CDH17: variants seen among roughly 807,000 people sequenced by gnomAD.
The protein encoded by CDH17 is cadherin-17.
In CDH17, 67 loss-of-function variants were observed where a neutral mutation model predicts 86.3. The observed-to-expected ratio is 0.78, with a 90% CI of 0.64 to 0.95. CDH17 has a LOEUF of 0.95. Ranked by LOEUF, CDH17 falls within the 40% of genes least tolerant of loss-of-function variation. The pLI, the probability that CDH17 is intolerant of heterozygous loss-of-function variation, is 0.00. For synonymous variants in CDH17, 367 were observed against 366.4 expected (o/e 1.00, Z -0.02); for missense variants, 993 against 1,017.6 (o/e 0.98, Z 0.33).
At chr8:94,204,756 G>T (rs1379801460) in intron 1 of CDH17, among the ~76,000 whole-genome samples, 1 of 152,096 alleles carries the variant, frequency 6.6e-6, no homozygotes, top group Non-Finnish European at 1.5e-5. Context: ...TTCCTGGTTG[G>T]CGTTTGTTCC....
intron 1 of CDH17, 121 bp from the exon 2 acceptor site, chr8:94,194,826 G>A: frequency 1.6e-6 from 1 of 624,750 alleles, no homozygotes; most frequent in Non-Finnish European, 2.8e-6. Context: ...TATCCCAAAA[G>A]GCCAGCCTCT....
chr8:94,206,315 C>T (rs1814025535), intron 1 of CDH17, among the ~76,000 whole-genome samples: 1 of 152,132 alleles, frequency 6.6e-6, no homozygotes, highest in African/African-American at 2.4e-5. Flanking sequence ...ATAGGTATTC[C>T]CTTAAAATTC....
At chr8:94,203,246 A>T (rs1196083722) in intron 1 of CDH17, among the ~76,000 whole-genome samples, 1 of 152,230 alleles carries the variant, frequency 6.6e-6, no homozygotes, top group Non-Finnish European at 1.5e-5. Context: ...TTTATTTTTT[A>T]AAAAGCATGA....
intron 5 of CDH17, among the ~76,000 whole-genome samples, chr8:94,174,465 G>T (rs1303688073): frequency 1.3e-5 from 2 of 151,984 alleles, no homozygotes; most frequent in African/African-American, 4.8e-5. Flanking sequence ...AACCTCTAAG[G>T]GTCCCTGAAA....
chr8:94,128,309 T>G lies in CDH17; in HGVS notation c.2430A>C (p.Ile810=). ...CATTATCTTTGCCTTTATCCTTCTT[T>G]ATGCGGATAAACACAACTGCTAAAA... The part of the protein sequence containing the change: ...GIILAVVFIR[I]KKDKGKDNVE... The change falls in exon 18 of 18, where the codon ATA becomes ATC. Residue 810 remains isoleucine, a synonymous_variant. Transcript: ENST00000027335. The G allele has an allele frequency of 6.2e-7, 1 of 1,612,740 alleles. No individual in the cohort carries two copies. The highest frequency in any genetic ancestry group is 8.5e-7 in the Non-Finnish European group (1 of 1,179,018).
chr8:94,171,360 G>A (rs1342456873), intron 7 of CDH17, among the ~76,000 whole-genome samples: 7 of 152,104 alleles, frequency 4.6e-5, no homozygotes, highest in Admixed American at 4.6e-4. Context: ...CACAATGTAT[G>A]GTGAGCATCT....
In CDH17 at chr8:94,128,222, A is replaced by T. The variant is rs755074042; in HGVS notation, c.*18T>A. On this transcript the variant is annotated 3_prime_UTR_variant, in exon 18 of 18. Coordinates refer to ENST00000027335, the MANE Select transcript of CDH17 (RefSeq NM_004063.4). ...GAAATAGCACTTGCTATATAAATTC[A>T]AACATTCCTTTTCAAATTCAGCTTC... The T allele has an allele frequency of 6.5e-7, 1 of 1,536,260 alleles. No individual in the cohort carries two copies. Among genetic ancestry groups the T allele is most frequent in the South Asian group, 1.1e-5 (1 of 88,840 alleles).
chr8:94,182,622 A>G (rs1813504873), intron 3 of CDH17, among the ~76,000 whole-genome samples: 2 of 152,114 alleles, frequency 1.3e-5, no homozygotes, highest in African/African-American at 2.4e-5. Flanking sequence ...TCTCAGCCTA[A>G]TAAGGACACC....
chr8:94,178,552 T>C (rs1813417681), intron 3 of CDH17, among the ~76,000 whole-genome samples: 1 of 152,006 alleles, frequency 6.6e-6, no homozygotes, highest in Admixed American at 6.6e-5. Context: ...ACCAGTAAGA[T>C]TGAAAACTCC....
intron 15 of CDH17, 124 bp from the exon 16 acceptor site, chr8:94,131,116 A>G (rs146033050): frequency 0.01 from 6,657 of 649,662 alleles, 51 homozygotes; most frequent in Non-Finnish European, 0.015. Context: ...TAAACTGCCC[A>G]AAGTATCATC....
At chr8:94,171,593 T>C (rs1030308411) in intron 7 of CDH17, among the ~76,000 whole-genome samples, 1 of 152,200 alleles carries the variant, frequency 6.6e-6, no homozygotes, top group Middle Eastern at 3.2e-3. Context: ...ACTTGCTATA[T>C]AGACAGAGCC....
chr8:94,133,735 CG>C (rs1255691675), intron 15 of CDH17, among the ~76,000 whole-genome samples: 9 of 152,206 alleles, frequency 5.9e-5, no homozygotes, highest in Non-Finnish European at 1.2e-4. Flanking sequence ...TGTCTTCTGC[CG>C]GTTTTCAAAG....
At position 94,177,721 on chromosome 8, in the gene CDH17, A is replaced by C. The variant is rs774397787; in HGVS notation, c.151T>G (p.Phe51Val). ...GTCACAGCAGGAGGATTGGCCTTAA[A>C]CTGGGGAAAAAGCAAAAAACAGATT... The part of the protein sequence containing the change: ...GQEPSQIIFQ[F>V]KANPPAVTFE... Residue 51 changes from phenylalanine to valine, a missense_variant and splice_region_variant, in exon 4 of 18, where the codon TTT (phenylalanine) becomes GTT (valine). Transcript: ENST00000027335. 3 of 1,613,384 alleles carry C rather than the reference A, an allele frequency of 1.9e-6. No homozygotes were observed. The highest frequency in any genetic ancestry group is 2.5e-6 in the Non-Finnish European group (3 of 1,179,642).
chr8:94,194,847 G>C (rs549015403), intron 1 of CDH17, 142 bp from the exon 2 acceptor site: 125 of 591,912 alleles, frequency 2.1e-4, no homozygotes, highest in Non-Finnish European at 3.5e-4. Context: ...CCTCTATATG[G>C]AGCAGCCCAG....
upstream of CDH17, among the ~76,000 whole-genome samples, chr8:94,211,394 C>A (rs1814119314): frequency 6.6e-6 from 1 of 152,168 alleles, no homozygotes; most frequent in Non-Finnish European, 1.5e-5. Context: ...TCACTGCAAC[C>A]TCCGCCTCCC....
intron 1 of CDH17, among the ~76,000 whole-genome samples, chr8:94,200,772 C>T (rs914211082): frequency 2.0e-5 from 3 of 151,650 alleles, no homozygotes; most frequent in Non-Finnish European, 4.4e-5. Context: ...GGAATCCCGC[C>T]GCGGCCTGGA....
At chr8:94,177,965 T>C (rs1282360428) in intron 3 of CDH17, among the ~76,000 whole-genome samples, 1 of 152,226 alleles carries the variant, frequency 6.6e-6, no homozygotes, top group Non-Finnish European at 1.5e-5. Flanking sequence ...ATTGATGCTT[T>C]AAATTATAGC....
At chr8:94,133,729 T>C (rs1812465389) in intron 15 of CDH17, among the ~76,000 whole-genome samples, 1 of 152,256 alleles carries the variant, frequency 6.6e-6, no homozygotes, top group Non-Finnish European at 1.5e-5. Flanking sequence ...CATCCTTGTC[T>C]TCTGCCGGTT....
intron 9 of CDH17, among the ~76,000 whole-genome samples, chr8:94,166,387 A>T (rs997408550): frequency 1.3e-5 from 2 of 152,174 alleles, no homozygotes; most frequent in African/African-American, 4.8e-5. Flanking sequence ...GTCATACTGG[A>T]TTAGGGCCCA....
Sources: allele counts gnomAD v4.1 joint callset (sites outside exome capture counted in the v4.1 genomes callset), GRCh38; gene constraint gnomAD v4.1.1; transcripts MANE v1.5; gene names NCBI Gene and HGNC (gene_info 2026-07-23, HGNC 2026-07-21).